Variants in KIAA2012 observed in about 807,000 individuals in gnomAD.
The protein encoded by KIAA2012 is uncharacterized protein KIAA2012.
Under a neutral mutation model 150.6 loss-of-function variants are expected in KIAA2012, and 125 were observed. The ratio of observed to expected loss-of-function variants is 0.83; its 90% confidence interval spans 0.72 to 0.96. KIAA2012 has a LOEUF of 0.96. Ranked by LOEUF, KIAA2012 falls within the 40% of genes least tolerant of loss-of-function variation. The pLI, the probability that KIAA2012 is intolerant of heterozygous loss-of-function variation, is 0.00. For missense variants in KIAA2012, 1,219 were observed against 1,354.9 expected, an observed-to-expected ratio of 0.90 and a Z score of 1.57; for synonymous variants, 462 against 504.7, an observed-to-expected ratio of 0.92 and a Z score of 1.13.
At chr2:202,115,419 C>T (rs1429999774) in intron 11 of KIAA2012, 1 of 152,092 alleles carries the variant, frequency 6.6e-6, no homozygotes, top group African/African-American at 2.4e-5. Flanking sequence ...TCTCTCCAAA[C>T]TTTTGCTCAA....
At chr2:202,145,109 A>G (rs1691269630) in intron 13 of KIAA2012, among the ~76,000 whole-genome samples, 1 of 152,014 alleles carries the variant, frequency 6.6e-6, no homozygotes, top group Non-Finnish European at 1.5e-5. Context: ...CTCCACACCA[A>G]TGCCTAAGAG....
chr2:202,188,029 C>T (rs1574313836), intron 17 of KIAA2012, 123 bp from the exon 18 acceptor site: 1 of 746,112 alleles, frequency 1.3e-6, no homozygotes, highest in Non-Finnish European at 2.2e-6. Context: ...TTCTGCTTTA[C>T]CTGGAACCCA....
intron 11 of KIAA2012, among the ~76,000 whole-genome samples, chr2:202,122,412 T>C (rs1690673794): frequency 6.6e-6 from 1 of 152,106 alleles, no homozygotes; most frequent in South Asian, 2.1e-4. Context: ...CTCTGAGATC[T>C]GGGTCGCCCA....
At chr2:202,100,226 C>A in intron 6 of KIAA2012, 81 bp from the exon 7 acceptor site, 1 of 1,405,488 alleles carries the variant, frequency 7.1e-7, no homozygotes, top group Non-Finnish European at 9.7e-7. Flanking sequence ...CCATTAACTA[C>A]GACGTGATAA....
In KIAA2012 at chr2:202,122,659, G is replaced by A. The variant is rs1008027237; in HGVS notation, c.1763-2555G>A. Among the ~76,000 whole-genome samples, 6 of 151,924 alleles carry A rather than the reference G, an allele frequency of 3.9e-5. No individual in the cohort carries two copies. In the South Asian group the frequency reaches 8.3e-4, roughly 21 times the overall value. Reference sequence around the variant, plus strand: ...GGGACTACAGGTGGTGCACCACCACGCCTGGCTAAATTTGTTGTATTTTTA... The same window carrying A: ...GGGACTACAGGTGGTGCACCACCACACCTGGCTAAATTTGTTGTATTTTTA... On this transcript the variant is annotated intron_variant, in intron 11 of 23. Transcript: ENST00000498697.
At chr2:202,179,835 T>C (rs1012341293) in intron 15 of KIAA2012, 5 of 618,256 alleles carry the variant, frequency 8.1e-6, no homozygotes, top group African/African-American at 1.8e-5. Context: ...AAAATGAAGA[T>C]CTGGAACTTG....
Position 202,165,160 on chromosome 2 carries a change from AAGG to A in KIAA2012, c.2047-121_2047-119del, listed in dbSNP as rs1691730472. 6 of 849,654 alleles carry A rather than the reference AAGG, an allele frequency of 7.1e-6. No individual in the cohort carries two copies. The Admixed American group carries it at 7.9e-5, about 11-fold the overall frequency. 52.6% of individuals were successfully genotyped at this position (849,654 alleles called of 1,614,324 possible). On this transcript the variant is annotated intron_variant, in intron 14 of 23. Coordinates refer to ENST00000498697, the MANE Select transcript of KIAA2012 (RefSeq NM_001277372.4). Reference sequence around the variant, plus strand: ...AGACTTAAGTAAAAAGTTGACGAAGAAGGAGAAGAAACCACTAAGAAAACTGGC... The same window carrying A: ...AGACTTAAGTAAAAAGTTGACGAAGAAGAAGAAACCACTAAGAAAACTGGC...
chr2:202,119,022 C>T (rs1575022126), intron 11 of KIAA2012, among the ~76,000 whole-genome samples: 1 of 152,152 alleles, frequency 6.6e-6, no homozygotes, highest in Admixed American at 6.5e-5. Flanking sequence ...TGCGGCCAGG[C>T]GCGATGGCTC....
Position 202,186,932 on chromosome 2 carries a change from G to A in KIAA2012, c.2211-1G>A. On this transcript the variant is annotated splice_acceptor_variant, in intron 16 of 23. Coordinates refer to ENST00000498697, the MANE Select transcript of KIAA2012 (RefSeq NM_001277372.4). LOFTEE classifies it high-confidence loss of function. ...GTCCTGTTGGTTTGCTCTTTTCAAAGGGGCAGAGATTATGATGTACACCAC... is the reference window on the plus strand; with the variant it reads ...GTCCTGTTGGTTTGCTCTTTTCAAAAGGGCAGAGATTATGATGTACACCAC... 2 of 1,549,636 alleles carry A rather than the reference G, an allele frequency of 1.3e-6. No homozygotes were observed. Among genetic ancestry groups the A allele is most frequent in the Non-Finnish European group, 1.7e-6 (2 of 1,146,624 alleles).
chr2:202,098,705 A>G (rs188551156), intron 5 of KIAA2012, among the ~76,000 whole-genome samples: 177 of 152,192 alleles, frequency 1.2e-3, no homozygotes, highest in Admixed American at 2.9e-3. Context: ...CTTCTGTAAA[A>G]TGGAGCTATT....
intron 23 of KIAA2012, among the ~76,000 whole-genome samples, chr2:202,203,979 C>G (rs1457037297): frequency 6.6e-6 from 1 of 151,996 alleles, no homozygotes; most frequent in Admixed American, 6.6e-5. Context: ...CCATGTTAGC[C>G]AGGATGGTCT....
chr2:202,107,108 A>AT (rs1242711722), intron 9 of KIAA2012, among the ~76,000 whole-genome samples: 1 of 152,178 alleles, frequency 6.6e-6, no homozygotes, highest in Non-Finnish European at 1.5e-5. Context: ...TTGAGGTCAC[A>AT]TAACTATAAG....
At chr2:202,179,290 TA>T in intron 15 of KIAA2012, 1 of 1,184,808 alleles carries the variant, frequency 8.4e-7, no homozygotes, top group Non-Finnish European at 1.2e-6. Context: ...GCTCTTCGGG[TA>T]AAGATGGCGG....
chr2:202,117,966 G>T (rs182199722), intron 11 of KIAA2012, among the ~76,000 whole-genome samples: 18 of 151,424 alleles, frequency 1.2e-4, no homozygotes, highest in Admixed American at 9.9e-4. Flanking sequence ...CTAAACTGAT[G>T]ATTTCTAAGG....
At chr2:202,083,847 G>A (rs191105238) in intron 2 of KIAA2012, among the ~76,000 whole-genome samples, 55 of 152,262 alleles carry the variant, frequency 3.6e-4, no homozygotes, top group African/African-American at 1.3e-3. Context: ...TTTGATACAA[G>A]GCTGTCCATA....
chr2:202,156,777 C>T (rs951601484), intron 14 of KIAA2012, among the ~76,000 whole-genome samples: 2 of 151,914 alleles, frequency 1.3e-5, no homozygotes, highest in Non-Finnish European at 2.9e-5. Context: ...CCCAGCTACT[C>T]GGGAGGCTGA....
At position 202,200,856 on chromosome 2, in the gene KIAA2012, A is replaced by C. The variant is rs557283157; in HGVS notation, c.3408-1573A>C. 8.8e-4 allele frequency among the ~76,000 whole-genome samples: 133 copies of C among 151,836 alleles called. 1 individual carries two copies. The highest frequency in any genetic ancestry group is 3.0e-3 in the African/African-American group (125 of 41,426). On this transcript the variant is annotated intron_variant, in intron 22 of 23. Coordinates refer to ENST00000498697, the MANE Select transcript of KIAA2012 (RefSeq NM_001277372.4). ...TGAGTAGCTGGGATTACAGGCATGCACCACTACGCCCGGCTAATTTTGTAT... is the reference window on the plus strand; with the variant it reads ...TGAGTAGCTGGGATTACAGGCATGCCCCACTACGCCCGGCTAATTTTGTAT...
At chr2:202,132,707 T>C (rs539515160) in intron 12 of KIAA2012, among the ~76,000 whole-genome samples, 47 of 119,954 alleles carry the variant, frequency 3.9e-4, no homozygotes, top group Admixed American at 2.5e-3. Flanking sequence ...TATATATATA[T>C]GTATATATGT....
In KIAA2012 at chr2:202,099,777, TAGGA is replaced by T. The variant is rs1559203561; in HGVS notation, c.997_1000del (p.Lys333GlnfsTer10). ...CATTCTGTGGAGGCGCCTTCCCTAA[TAGGA>T]AGGCAGATCTCAGCGGTAAGAACTC... On this transcript the variant is annotated frameshift_variant, in exon 6 of 24. Transcript: ENST00000498697. LOFTEE classifies it high-confidence loss of function. The T allele has an allele frequency of 6.5e-7, 1 of 1,549,778 alleles. No homozygotes were observed. The highest frequency in any genetic ancestry group is 1.4e-5 in the African/African-American group (1 of 73,134).
Sources: allele counts gnomAD v4.1 joint callset (sites outside exome capture counted in the v4.1 genomes callset), GRCh38; gene constraint gnomAD v4.1.1; transcripts MANE v1.5; gene names NCBI Gene and HGNC (gene_info 2026-07-23, HGNC 2026-07-21).